GRIP1: variants seen among roughly 807,000 people sequenced by gnomAD.
The protein encoded by GRIP1 is glutamate receptor interacting protein 1.
A neutral mutation model predicts 129.9 loss-of-function variants in GRIP1; 45 were observed. The ratio of observed to expected loss-of-function variants is 0.35; its 90% CI spans 0.27 to 0.44. The LOEUF is 0.44. Among genes scored for constraint, GRIP1 ranks in the 20% least tolerant of loss-of-function variants. The pLI, the probability that GRIP1 is intolerant of heterozygous loss-of-function variation, is 1.00. For missense variants in GRIP1, 1,196 were observed against 1,396.8 expected (o/e 0.86, Z 2.29); for synonymous variants, 530 against 520.8 (o/e 1.02, Z -0.24).
chr12:66,769,227 T>G (rs2037740471), intron 1 of GRIP1, among the ~76,000 whole-genome samples: 1 of 146,008 alleles, frequency 6.8e-6, no homozygotes, highest in African/African-American at 2.5e-5. Context: ...AAATGGAAAT[T>G]TTTTTTTTTT....
intron 1 of GRIP1, among the ~76,000 whole-genome samples, chr12:66,826,569 A>C (rs1027611076): frequency 6.6e-6 from 1 of 152,258 alleles, no homozygotes; most frequent in Middle Eastern, 3.4e-3. Flanking sequence ...ATTTTATGGT[A>C]ATTGAATCTA....
intron 1 of GRIP1, among the ~76,000 whole-genome samples, chr12:66,830,385 G>C (rs897064950): frequency 2.0e-5 from 3 of 152,136 alleles, no homozygotes; most frequent in African/African-American, 7.2e-5. Context: ...TGAAAGTTAA[G>C]AGATGTGACC....
At chr12:67,045,835 C>G (rs1337700631) in intron 1 of GRIP1, among the ~76,000 whole-genome samples, 2 of 152,098 alleles carry the variant, frequency 1.3e-5, no homozygotes, top group African/African-American at 4.8e-5. Flanking sequence ...GTGACAGGGC[C>G]GGGGCTGTCA....
At chr12:66,785,644 C>A (rs1290425594) in intron 1 of GRIP1, among the ~76,000 whole-genome samples, 1 of 152,042 alleles carries the variant, frequency 6.6e-6, no homozygotes. Flanking sequence ...ATCCAAAATT[C>A]TCTCTTACTC....
intron 1 of GRIP1, among the ~76,000 whole-genome samples, chr12:67,049,970 CTTT>C (rs62802760): frequency 3.2e-5 from 4 of 126,604 alleles, no homozygotes; most frequent in Admixed American, 7.8e-5. Flanking sequence ...ATTTGAATTT[CTTT>C]TTTTTTTTTT....
At chr12:66,404,845 A>T (rs370611083) in intron 16 of GRIP1, among the ~76,000 whole-genome samples, 221 of 152,258 alleles carry the variant, frequency 1.5e-3, no homozygotes, top group African/African-American at 5.1e-3. Context: ...CAGCCTGGCC[A>T]ACATGGCAAA....
intron 19 of GRIP1, among the ~76,000 whole-genome samples, chr12:66,386,403 G>A (rs2056359974): frequency 6.6e-6 from 1 of 152,152 alleles, no homozygotes; most frequent in Non-Finnish European, 1.5e-5. Flanking sequence ...GGAGGCCGAG[G>A]CAGGTGGATC....
chr12:67,002,223 C>T (rs1371785126), intron 1 of GRIP1, among the ~76,000 whole-genome samples: 2 of 152,314 alleles, frequency 1.3e-5, no homozygotes. Context: ...AATTGTAGCA[C>T]AACTATTTTT....
intron 1 of GRIP1, among the ~76,000 whole-genome samples, chr12:66,725,710 C>T (rs2036232966): frequency 2.0e-5 from 3 of 152,090 alleles, no homozygotes; most frequent in Non-Finnish European, 4.4e-5. Context: ...TTTTACATTG[C>T]ACTCCAGTAC....
chr12:66,625,299 T>C lies in GRIP1; in HGVS notation c.56-28372A>G, dbSNP rs150377328. Among the ~76,000 whole-genome samples, 13 of 152,298 alleles carry C rather than the reference T, an allele frequency of 8.5e-5. No individual in the cohort carries two copies. The East Asian group carries it at 2.5e-3, about 29-fold the overall frequency. On this transcript the variant is annotated intron_variant, in intron 1 of 24. Coordinates refer to ENST00000359742, the MANE Select transcript of GRIP1 (RefSeq NM_001366722.1). ...CCATTATGGATGGTATACATTATGTTTTCCCCAAACTGAACTGACTCCTTG... is the reference window on the plus strand; with the variant it reads ...CCATTATGGATGGTATACATTATGTCTTCCCCAAACTGAACTGACTCCTTG...
intron 1 of GRIP1, among the ~76,000 whole-genome samples, chr12:66,769,945 A>G (rs543725721): frequency 6.6e-5 from 10 of 152,298 alleles, no homozygotes; most frequent in African/African-American, 2.4e-4. Context: ...AAAATTAGTA[A>G]CTTGTTTGAA....
chr12:66,511,937 G>A (rs1316282665), intron 7 of GRIP1, among the ~76,000 whole-genome samples: 1 of 152,156 alleles, frequency 6.6e-6, no homozygotes, highest in Non-Finnish European at 1.5e-5. Context: ...GAGGGACCTG[G>A]TGGGAGGTGA....
intron 13 of GRIP1, among the ~76,000 whole-genome samples, chr12:66,442,405 C>G (rs2058495509): frequency 6.6e-6 from 1 of 152,212 alleles, no homozygotes; most frequent in Non-Finnish European, 1.5e-5. Context: ...CTTTCATATC[C>G]CTGCCCAAAT....
intron 1 of GRIP1, among the ~76,000 whole-genome samples, chr12:66,715,516 G>GAGAGAGAGA (rs1555229493): frequency 6.9e-6 from 1 of 145,602 alleles, no homozygotes. Context: ...GAGAGAGAGA[G>GAGAGAGAGA]AACTGTCTCC....
chr12:66,688,792 G>A (rs908123235), intron 1 of GRIP1, among the ~76,000 whole-genome samples: 6 of 151,406 alleles, frequency 4.0e-5, no homozygotes, highest in African/African-American at 1.5e-4. Flanking sequence ...AAAAGGAAAG[G>A]CATTTTATTT....
rs147653335 is a variant in GRIP1 at position 67,006,594 on chromosome 12, T to C, written c.58+62456A>G. On this transcript the variant is annotated intron_variant, in intron 1 of 1. Transcript: ENST00000643019. ...AAAGCGAGATCTTGTCTCAAAAAAA[T>C]AAAAAATAAACATTTTAAAAGTCAC... Among the ~76,000 whole-genome samples the C allele has an allele frequency of 5.1e-3, 776 of 152,090 alleles. 6 individuals carry two copies. The highest frequency in any genetic ancestry group is 0.01 in the Middle Eastern group (3 of 294).
chr12:66,886,049 G>A (rs1566065067), intron 1 of GRIP1, among the ~76,000 whole-genome samples: 1 of 152,168 alleles, frequency 6.6e-6, no homozygotes, highest in African/African-American at 2.4e-5. Context: ...GATCACTTGA[G>A]GTCAGGAGCT....
intron 1 of GRIP1, among the ~76,000 whole-genome samples, chr12:66,613,843 C>T (rs1217993714): frequency 6.6e-6 from 1 of 152,142 alleles, no homozygotes; most frequent in Non-Finnish European, 1.5e-5. Context: ...GCTTTTGCAT[C>T]CTGGAGTTTA....
chr12:66,883,269 G>A (rs2040510236), intron 1 of GRIP1, among the ~76,000 whole-genome samples: 1 of 151,632 alleles, frequency 6.6e-6, no homozygotes, highest in Non-Finnish European at 1.5e-5. Context: ...TTTCCCTTTA[G>A]TACTGCCCAT....
Sources: gnomAD v4.1 joint callset for allele counts (sites outside exome capture counted in the v4.1 genomes callset) on GRCh38, gnomAD v4.1.1 for gene constraint, MANE v1.5 for transcripts, NCBI Gene and HGNC (gene_info 2026-07-23, HGNC 2026-07-21) for gene names.